Variants in CLASRP observed in about 807,000 individuals in gnomAD.
CLASRP encodes CLK4-associating serine/arginine rich protein.
In CLASRP, 52 loss-of-function variants were observed where a neutral mutation model predicts 99.9. That is an observed-to-expected ratio of 0.52 (90% confidence interval 0.42 to 0.66). CLASRP has a LOEUF of 0.66. Among genes scored for constraint, CLASRP ranks in the 30% least tolerant of loss-of-function variants. The probability of loss-of-function intolerance (pLI) is 0.00; values close to 1 mark genes in which losing one functional copy is unlikely to be tolerated. For missense variants in CLASRP, 848 were observed against 999.2 expected (o/e 0.85, Z 2.04); for synonymous variants, 379 against 373.0 (o/e 1.02, Z -0.18).
In CLASRP at chr19:45,070,906, G is replaced by A; in HGVS notation, c.*61G>A. On this transcript the variant is annotated 3_prime_UTR_variant, in exon 21 of 21. Transcript: ENST00000221455. ...GGTAAGGGGCTCAAGCTGTGATGCT[G>A]CTGGTTTTATCTCTAGTGAAATAAA... The A allele has an allele frequency of 9.6e-7, 1 of 1,037,418 alleles. No homozygotes were observed. The highest frequency in any genetic ancestry group is 1.5e-6 in the Non-Finnish European group (1 of 686,686). 64.3% of individuals were successfully genotyped at this position (1,037,418 alleles called of 1,614,324 possible). A position where few individuals can be genotyped will look rare whatever the true frequency, so the allele number is the denominator to read the frequency against.
rs1421390348 is a variant in CLASRP at position 45,060,860 on chromosome 19, A to G, written c.863+233A>G. On this transcript the variant is annotated intron_variant, in intron 10 of 20. Coordinates refer to ENST00000221455, the MANE Select transcript of CLASRP (RefSeq NM_007056.3). The surrounding 1 kb of genome is among the most constrained non-coding windows in gnomAD (Gnocchi z 4.6). ...CCCTACTGGACTGGGGGCCCTTGCC[A>G]GACTCCCAGGAGCCCATGCACAGGC... 3.3e-5 allele frequency among the ~76,000 whole-genome samples: 5 copies of G among 152,174 alleles called. No individual in the cohort carries two copies. Among genetic ancestry groups the G allele is most frequent in the Admixed American group, 2.6e-4 (4 of 15,278 alleles).
rs576713552 is a variant in CLASRP, at chr19:45,060,740, T to C, written c.863+113T>C. 51 of 831,420 alleles carry C rather than the reference T, an allele frequency of 6.1e-5. No individual in the cohort carries two copies. In the East Asian group the frequency reaches 1.3e-3, roughly 22 times the overall value. The allele number at this position is 831,420 out of a possible 1,614,324, so 51.5% of individuals were successfully genotyped here. Reference sequence around the variant, plus strand: ...GCATTTGACTTGAGAAAGGAGTCTTTCTAGTGGGGCGATGCATGGCCATCG... The same window carrying C: ...GCATTTGACTTGAGAAAGGAGTCTTCCTAGTGGGGCGATGCATGGCCATCG... On this transcript the variant is annotated intron_variant, in intron 10 of 20. Coordinates refer to ENST00000221455, the MANE Select transcript of CLASRP (RefSeq NM_007056.3). The surrounding 1 kb of genome is among the most constrained non-coding windows in gnomAD (Gnocchi z 4.6).
intron 5 of CLASRP, among the ~76,000 whole-genome samples, chr19:45,053,911 A>G (rs758341686): frequency 6.6e-6 from 1 of 152,170 alleles, no homozygotes; most frequent in Non-Finnish European, 1.5e-5. Flanking sequence ...ATGAAACACT[A>G]TGCCCAGCCA....
chr19:45,060,974 C>T lies in CLASRP; in HGVS notation c.863+347C>T, dbSNP rs1156914679. Among the ~76,000 whole-genome samples the T allele has an allele frequency of 5.3e-5, 8 of 152,182 alleles. No homozygotes were observed. The highest frequency in any genetic ancestry group is 8.8e-5 in the Non-Finnish European group (6 of 68,042). On this transcript the variant is annotated intron_variant, in intron 10 of 20. Coordinates refer to ENST00000221455, the MANE Select transcript of CLASRP (RefSeq NM_007056.3). The surrounding 1 kb of genome is among the most constrained non-coding windows in gnomAD (Gnocchi z 4.6). ...TCTGCTGCTTGGCTTCTTCCTGTGT[C>T]GGAGTTTGGACAAGTGACTTCCCGA...
Position 45,052,072 on chromosome 19 carries a change from A to G in CLASRP, c.101A>G (p.Lys34Arg), listed in dbSNP as rs758270429. ...ERRREYYEKIKKDPAQFLQVH... is the reference protein window; with the variant it reads ...ERRREYYEKIRKDPAQFLQVH... ...CCTCAGTCCTGTTTACCCCTGCAGA[A>G]GAAGGACCCAGCCCAGTTCCTGCAG... The change falls in exon 3 of 21, where the codon AAG becomes AGG. Residue 34 changes from lysine (K) to arginine (R), a missense_variant and splice_region_variant. This residue lies in a region of CLASRP where 46 missense variants were observed against 96.8 expected (regional missense o/e 0.48). Transcript: ENST00000221455. 1.1e-5 allele frequency: 18 copies of G among 1,613,820 alleles called. No homozygotes were observed. In the South Asian group the frequency reaches 1.9e-4, roughly 17 times the overall value.
At position 45,053,086 on chromosome 19, in the gene CLASRP, C is replaced by T. The variant is rs906009781; in HGVS notation, c.300-12C>T. On this transcript the variant is annotated splice_polypyrimidine_tract_variant and intron_variant, in intron 4 of 20. Transcript: ENST00000221455. ...CTTCTCTCTGATTTCAAGGTCTCGCCCTTCCCTAAAGCTCCCCAGAACAGG... is the reference window on the plus strand; with the variant it reads ...CTTCTCTCTGATTTCAAGGTCTCGCTCTTCCCTAAAGCTCCCCAGAACAGG... 6.2e-7 allele frequency: 1 copy of T among 1,613,940 alleles called. No individual in the cohort carries two copies. The highest frequency in any genetic ancestry group is 1.7e-5 in the Admixed American group (1 of 59,966).
At chr19:45,070,674 C>G in intron 20 of CLASRP, 113 bp downstream of exon 20, 3 of 1,288,842 alleles carry the variant, frequency 2.3e-6, no homozygotes, top group Non-Finnish European at 3.4e-6. Flanking sequence ...GTTGGAGGGG[C>G]TGGTCTCATC....
chr19:45,067,364 C>T lies in CLASRP; in HGVS notation c.1437C>T (p.Tyr479=). 6.6e-7 allele frequency: 1 copy of T among 1,525,252 alleles called. No homozygotes were observed. 94.5% of individuals were successfully genotyped at this position (1,525,252 alleles called of 1,614,324 possible). A position where few individuals can be genotyped will look rare whatever the true frequency, so the allele number is the denominator to read the frequency against. ...GCCGCTCCCACTCAGGGGACCGCTA[C>T]AGGCGGGGCGGCCGGGGCCTCAGGC... ...SRSRSHSGDR[Y]RRGGRGLRHH... The change falls in exon 14 of 21, where the codon TAC becomes TAT. Residue 479 remains tyrosine, a synonymous_variant. Coordinates refer to ENST00000221455, the MANE Select transcript of CLASRP (RefSeq NM_007056.3). The surrounding 1 kb of genome is among the most constrained non-coding windows in gnomAD (Gnocchi z 4.9).
In CLASRP at chr19:45,067,718, C is replaced by T; in HGVS notation, c.1667+124C>T. 1.1e-6 allele frequency: 1 copy of T among 943,208 alleles called. No individual in the cohort carries two copies. The highest frequency in any genetic ancestry group is 1.7e-5 in the South Asian group (1 of 59,504). The allele number at this position is 943,208 out of a possible 1,614,324, so 58.4% of individuals were successfully genotyped here. A position where few individuals can be genotyped will look rare whatever the true frequency, so the allele number is the denominator to read the frequency against. ...GAGGTCTGGGGGGTGGTGTATGGCC[C>T]TGGCCTGGGAGGGTGGATTTCAGGG... On this transcript the variant is annotated intron_variant, in intron 14 of 20. Transcript: ENST00000221455. The surrounding 1 kb of genome is among the most constrained non-coding windows in gnomAD (Gnocchi z 4.9).
At chr19:45,069,290 G>T in intron 18 of CLASRP, 42 bp downstream of exon 18, 4 of 1,600,092 alleles carry the variant, frequency 2.5e-6, no homozygotes, top group Non-Finnish European at 1.7e-6. Context: ...ACACCTCCTG[G>T]CCTGCCTGGC....
At chr19:45,069,766 G>A in intron 18 of CLASRP, 2 of 510,648 alleles carry the variant, frequency 3.9e-6, no homozygotes, top group Non-Finnish European at 3.5e-6. Flanking sequence ...AGGTGCCCCA[G>A]TGCGGCAGGA....
chr19:45,068,330 C>CG, intron 15 of CLASRP, 90 bp from the exon 16 acceptor site: 1 of 650,060 alleles, frequency 1.5e-6, no homozygotes, highest in Non-Finnish European at 2.8e-6. Context: ...CACCCCCCCC[C>CG]CGCACAAAGC....
intron 18 of CLASRP, among the ~76,000 whole-genome samples, 181 bp downstream of exon 18, chr19:45,069,429 C>T (rs1798440106): frequency 1.3e-5 from 2 of 152,210 alleles, no homozygotes; most frequent in Non-Finnish European, 2.9e-5. Context: ...GAATTTCCTC[C>T]CACCATTTCG....
intron 2 of CLASRP, among the ~76,000 whole-genome samples, chr19:45,044,022 T>C (rs990273885): frequency 1.3e-5 from 2 of 152,062 alleles, no homozygotes; most frequent in South Asian, 2.1e-4. Context: ...GCTGAGACTA[T>C]AGGTGCCCAC....
chr19:45,067,176 G>A lies in CLASRP; in HGVS notation c.1410-161G>A, dbSNP rs1967105020. Reference sequence around the variant, plus strand: ...TCTGTAGCCGGAGGGAGGCCGGAATGCCGCTCTGGGACATTTTGGAGGGAG... The same window carrying A: ...TCTGTAGCCGGAGGGAGGCCGGAATACCGCTCTGGGACATTTTGGAGGGAG... On this transcript the variant is annotated intron_variant, in intron 13 of 20. Transcript: ENST00000221455. This position sits in a 1 kb window ranked among gnomAD's most constrained non-coding sequence, Gnocchi z 4.9. Among the ~76,000 whole-genome samples the A allele has an allele frequency of 6.6e-6, 1 of 152,222 alleles. No homozygotes were observed.
intron 20 of CLASRP, 81 bp from the exon 21 acceptor site, chr19:45,070,722 C>T (rs868649944): frequency 2.4e-5 from 32 of 1,352,858 alleles, no homozygotes; most frequent in Middle Eastern, 3.6e-4. Context: ...ACAAGTGCCC[C>T]GATCACTGAA....
intron 1 of CLASRP, chr19:45,039,877 A>G (rs969579686): frequency 3.3e-5 from 7 of 212,770 alleles, no homozygotes; most frequent in African/African-American, 1.4e-4. Context: ...CCCTACTTCA[A>G]ACACTGCTGA....
chr19:45,065,159 G>C (rs546884461), intron 13 of CLASRP, among the ~76,000 whole-genome samples: 1 of 151,960 alleles, frequency 6.6e-6, no homozygotes, highest in African/African-American at 2.4e-5. Context: ...TTGGGAGGCC[G>C]AGGCAGGCGG....
Position 45,060,349 on chromosome 19 carries a change from C to T in CLASRP, c.711-40C>T, listed in dbSNP as rs1354244534. Reference sequence around the variant, plus strand: ...GTCTGTGTCCTCCTTACCCTGTGGCCTGCCCCATCCTCCACCCTAATTCTC... The same window carrying T: ...GTCTGTGTCCTCCTTACCCTGTGGCTTGCCCCATCCTCCACCCTAATTCTC... On this transcript the variant is annotated intron_variant, in intron 8 of 20. Coordinates refer to ENST00000221455, the MANE Select transcript of CLASRP (RefSeq NM_007056.3). This position sits in a 1 kb window ranked among gnomAD's most constrained non-coding sequence, Gnocchi z 4.6. 3 of 1,582,600 alleles carry T rather than the reference C, an allele frequency of 1.9e-6. No individual in the cohort carries two copies. In the Admixed American group the frequency reaches 5.0e-5, roughly 26 times the overall value.
Sources: gnomAD v4.1 joint callset for allele counts (sites outside exome capture counted in the v4.1 genomes callset) on GRCh38, gnomAD v4.1.1 for gene constraint, gnomAD v4.1.1 regional missense constraint, Gnocchi (gnomAD v3.1) non-coding constraint, MANE v1.5 for transcripts, NCBI Gene and HGNC (gene_info 2026-07-23, HGNC 2026-07-21) for gene names.